GULP1: variants seen among roughly 807,000 people sequenced by gnomAD.
The protein encoded by GULP1 is GULP PTB domain containing engulfment adaptor 1.
GULP1 carries 19 observed loss-of-function variants against 40.9 expected under a neutral mutation model. The observed-to-expected ratio is 0.46, with a 90% confidence interval of 0.32 to 0.68. The LOEUF (loss-of-function observed/expected upper bound fraction) is 0.68, where lower values mean the gene tolerates loss of function less well. Among genes scored for constraint, GULP1 ranks in the 30% least tolerant of loss-of-function variants. GULP1 has a pLI of 0.03. For synonymous variants in GULP1, 119 were observed against 117.6 expected (o/e 1.01, Z -0.08); for missense variants, 312 against 362.2 (o/e 0.86, Z 1.12).
intron 2 of GULP1, chr2:188,466,444 A>AT (rs60944877): frequency 0.028 from 3,366 of 118,148 alleles, 86 homozygotes; most frequent in African/African-American, 0.069. Flanking sequence ...TGCCCAGCTA[A>AT]TTTTTTTTTT....
intron 2 of GULP1, among the ~76,000 whole-genome samples, chr2:188,432,716 G>T (rs558332698): frequency 7.3e-4 from 111 of 152,096 alleles, no homozygotes; most frequent in Non-Finnish European, 1.4e-3. Context: ...TATTTTAATA[G>T]TAATTTAAAA....
At chr2:188,371,367 C>T (rs1183706903) in intron 1 of GULP1, among the ~76,000 whole-genome samples, 2 of 151,898 alleles carry the variant, frequency 1.3e-5, no homozygotes, top group Non-Finnish European at 2.9e-5. Context: ...CTTACAGTTC[C>T]CTAAAATGGT....
chr2:188,589,606 A>AGTGT (rs1703111473), intron 11 of GULP1: 1 of 425,350 alleles, frequency 2.4e-6, no homozygotes, highest in Admixed American at 4.4e-5. Flanking sequence ...GTTGAAACCA[A>AGTGT]GTGTGAGACA....
chr2:188,522,117 A>T (rs952253588), intron 4 of GULP1, among the ~76,000 whole-genome samples: 34 of 152,244 alleles, frequency 2.2e-4, no homozygotes, highest in African/African-American at 7.9e-4. Context: ...AAACAGTACA[A>T]TTGTAGATCA....
chr2:188,550,043 A>G (rs1693045763), intron 7 of GULP1, among the ~76,000 whole-genome samples: 1 of 151,722 alleles, frequency 6.6e-6, no homozygotes, highest in Non-Finnish European at 1.5e-5. Flanking sequence ...GAATATCCTG[A>G]TTGCAATTGG....
chr2:188,362,304 G>A (rs1195011006), intron 1 of GULP1, among the ~76,000 whole-genome samples: 1 of 152,014 alleles, frequency 6.6e-6, no homozygotes. Context: ...TTATAACATT[G>A]TTTAAATATG....
At chr2:188,552,112 C>T (rs1409796567) in intron 7 of GULP1, among the ~76,000 whole-genome samples, 1 of 151,298 alleles carries the variant, frequency 6.6e-6, no homozygotes, top group East Asian at 1.9e-4. Context: ...TTCTCCAATT[C>T]AAAAGTTGTT....
chr2:188,529,089 A>C lies in GULP1; in HGVS notation c.163-8A>C, dbSNP rs755992880. The C allele has an allele frequency of 1.6e-6, 2 of 1,274,144 alleles. No homozygotes were observed. Among genetic ancestry groups the C allele is most frequent in the Non-Finnish European group, 2.3e-6 (2 of 888,388 alleles). The allele number at this position is 1,274,144 out of a possible 1,614,324, so 78.9% of individuals were successfully genotyped here. A position where few individuals can be genotyped will look rare whatever the true frequency, so the allele number is the denominator to read the frequency against. The stretch of plus-strand genomic sequence containing the variant: ...AGTGTAGCTTTGTGAATAATTTTTC[A>C]TTCGTAGTTTGCAAGACATATCAAG... On this transcript the variant is annotated splice_region_variant and splice_polypyrimidine_tract_variant and intron_variant, in intron 5 of 11. Transcript: ENST00000409830.
intron 1 of GULP1, among the ~76,000 whole-genome samples, chr2:188,318,816 G>A (rs1046491682): frequency 1.2e-4 from 18 of 152,206 alleles, no homozygotes; most frequent in Middle Eastern, 3.4e-3. Context: ...TATTCTAGGC[G>A]CGCTTCCTAT....
intron 3 of GULP1, among the ~76,000 whole-genome samples, chr2:188,481,634 G>A (rs1294767130): frequency 2.0e-5 from 3 of 151,878 alleles, no homozygotes; most frequent in African/African-American, 7.2e-5. Context: ...TCAAGTAATA[G>A]TGGTTTATAG....
chr2:188,427,172 A>G (rs190229461), intron 2 of GULP1, among the ~76,000 whole-genome samples: 90 of 152,310 alleles, frequency 5.9e-4, no homozygotes, highest in Non-Finnish European at 1.2e-3. Context: ...GCCTGTGCTC[A>G]TATGAATGAG....
In GULP1 at chr2:188,456,624, AC is replaced by A. The variant is rs142559426; in HGVS notation, c.-44-21033del. Among the ~76,000 whole-genome samples the A allele has an allele frequency of 1.9e-3, 291 of 152,274 alleles. 1 individual carries two copies. The highest frequency in any genetic ancestry group is 3.5e-3 in the Admixed American group (53 of 15,288). On this transcript the variant is annotated intron_variant, in intron 2 of 11. Coordinates refer to ENST00000409830, the MANE Select transcript of GULP1 (RefSeq NM_016315.4). ...TGCAGGGGTGGGGTCATCATGGATA[AC>A]CTTTGCTAGGACAGCGAGGAAGGGA...
intron 6 of GULP1, among the ~76,000 whole-genome samples, chr2:188,532,454 G>A (rs2153254319): frequency 6.6e-6 from 1 of 152,284 alleles, no homozygotes; most frequent in African/African-American, 2.4e-5. Flanking sequence ...TACGTTTATA[G>A]GGTATGTGTG....
intron 1 of GULP1, among the ~76,000 whole-genome samples, chr2:188,371,211 AG>A (rs2047560251): frequency 6.6e-6 from 1 of 152,116 alleles, no homozygotes; most frequent in African/African-American, 2.4e-5. Context: ...TTTCTGAAGC[AG>A]GGTTTCTTGG....
chr2:188,429,130 A>G (rs1000466754), intron 2 of GULP1, among the ~76,000 whole-genome samples: 11 of 152,118 alleles, frequency 7.2e-5, no homozygotes, highest in Non-Finnish European at 1.6e-4. Flanking sequence ...GTTTATTTTG[A>G]CTGTCATCCG....
intron 1 of GULP1, among the ~76,000 whole-genome samples, chr2:188,335,229 A>C (rs986186489): frequency 5.3e-5 from 8 of 152,222 alleles, no homozygotes; most frequent in Non-Finnish European, 1.0e-4. Flanking sequence ...AGCAGAGTAA[A>C]TTAATTATTT....
chr2:188,366,143 G>C (rs1200460030), intron 1 of GULP1, among the ~76,000 whole-genome samples: 1 of 152,040 alleles, frequency 6.6e-6, no homozygotes, highest in Non-Finnish European at 1.5e-5. Flanking sequence ...TAGGAGAAGG[G>C]GGTATGGGGC....
intron 2 of GULP1, among the ~76,000 whole-genome samples, chr2:188,445,281 G>A (rs10192679): frequency 0.022 from 3,412 of 151,950 alleles, 139 homozygotes; most frequent in African/African-American, 0.078. Context: ...AGAAACAAAT[G>A]AGGAATTGTT....
At chr2:188,399,622 G>A (rs567331739) in intron 2 of GULP1, among the ~76,000 whole-genome samples, 1 of 146,708 alleles carries the variant, frequency 6.8e-6, no homozygotes, top group African/African-American at 2.5e-5. Flanking sequence ...TGGAGTCTGA[G>A]ATGGGAGGAT....
Sources: gnomAD v4.1 joint callset for allele counts (sites outside exome capture counted in the v4.1 genomes callset) on GRCh38, gnomAD v4.1.1 for gene constraint, MANE v1.5 for transcripts, NCBI Gene and HGNC (gene_info 2026-07-23, HGNC 2026-07-21) for gene names.